Variants in NEGR1 observed in about 807,000 individuals in gnomAD.
NEGR1 encodes neuronal growth regulator 1, also known as IgLON family member 4.
Under a neutral mutation model 40.9 loss-of-function variants are expected in NEGR1, and 10 were observed. The observed-to-expected ratio is 0.24, with a 90% CI of 0.15 to 0.42. The LOEUF is 0.42. Among genes scored for constraint, NEGR1 ranks in the 10% least tolerant of loss-of-function variants. The probability of loss-of-function intolerance (pLI) is 1.00; values close to 1 mark genes in which losing one functional copy is unlikely to be tolerated. For missense variants in NEGR1, 352 were observed against 438.9 expected (o/e 0.80, Z 1.77); for synonymous variants, 185 against 166.8 (o/e 1.11, Z -0.84).
chr1:72,098,598 C>T (rs75749325), intron 1 of NEGR1, among the ~76,000 whole-genome samples: 141 of 152,240 alleles, frequency 9.3e-4, no homozygotes, highest in Middle Eastern at 3.4e-3. Context: ...GCAAGACCTA[C>T]GTTAAAATCA....
At chr1:72,049,471 G>A (rs1391250804) in intron 1 of NEGR1, among the ~76,000 whole-genome samples, 2 of 151,606 alleles carry the variant, frequency 1.3e-5, no homozygotes, top group Non-Finnish European at 3.0e-5. Context: ...GTGGTAGCAT[G>A]GCTTATTGAT....
chr1:71,887,239 A>G (rs1299498547), intron 2 of NEGR1, among the ~76,000 whole-genome samples: 3 of 152,156 alleles, frequency 2.0e-5, no homozygotes, highest in African/African-American at 7.2e-5. Context: ...TAGGCTGAGG[A>G]GGAGGAGGAA....
intron 1 of NEGR1, among the ~76,000 whole-genome samples, chr1:72,275,959 G>C (rs1656036055): frequency 6.6e-6 from 1 of 151,988 alleles, no homozygotes; most frequent in African/African-American, 2.4e-5. Context: ...AGCCAGGTAT[G>C]TTAGCACACA....
At chr1:71,745,978 A>G (rs1655367734) in intron 3 of NEGR1, among the ~76,000 whole-genome samples, 1 of 152,054 alleles carries the variant, frequency 6.6e-6, no homozygotes, top group African/African-American at 2.4e-5. Context: ...GGCCAAGAAC[A>G]CTCTAAACAG....
intron 4 of NEGR1, among the ~76,000 whole-genome samples, chr1:71,651,215 T>C (rs1452020694): frequency 1.3e-5 from 2 of 152,164 alleles, no homozygotes; most frequent in Non-Finnish European, 1.5e-5. Context: ...TATGGGGGAT[T>C]ATGCCTTTGC....
Position 71,398,121 on chromosome 1 carries a change from G to A in NEGR1, c.*9325C>T, listed in dbSNP as rs1452849487. 6.6e-6 allele frequency: 1 copy of A among 152,272 alleles called. No individual in the cohort carries two copies. Among genetic ancestry groups the A allele is most frequent in the Non-Finnish European group, 1.5e-5 (1 of 68,088 alleles). The allele number at this position is 152,272 out of a possible 1,614,324, so 9.4% of individuals were successfully genotyped here. A position where few individuals can be genotyped will look rare whatever the true frequency, so the allele number is the denominator to read the frequency against. On this transcript the variant is annotated 3_prime_UTR_variant, in exon 7 of 7. Transcript: ENST00000357731. ...ATAGAAATGCCTGGATGCCCAGAAT[G>A]AAGTTCTCCTCATGGAGAACCTCTG...
intron 1 of NEGR1, among the ~76,000 whole-genome samples, chr1:72,154,482 A>C (rs1651286669): frequency 6.6e-6 from 1 of 152,006 alleles, no homozygotes; most frequent in Admixed American, 6.6e-5. Flanking sequence ...AAATTTCTAG[A>C]GCAAAAGCAT....
At chr1:71,531,523 A>G (rs769823631) in intron 6 of NEGR1, among the ~76,000 whole-genome samples, 17 of 151,384 alleles carry the variant, frequency 1.1e-4, no homozygotes, top group Non-Finnish European at 2.1e-4. Context: ...TAATCTGTAG[A>G]GGACAAAGGC....
At chr1:71,501,857 AAT>A (rs1288693251) in intron 6 of NEGR1, among the ~76,000 whole-genome samples, 2 of 152,238 alleles carry the variant, frequency 1.3e-5, no homozygotes, top group African/African-American at 4.8e-5. Flanking sequence ...TATTTGTTGA[AAT>A]AAAGCATATT....
chr1:71,730,569 T>TTATATATATATATATATATATATA (rs56382019), intron 3 of NEGR1, among the ~76,000 whole-genome samples: 95 of 134,678 alleles, frequency 7.1e-4, no homozygotes, highest in African/African-American at 2.4e-3. Flanking sequence ...TAGTATAAAT[T>TTATATATATATATATATATATATA]TATATATATA....
At chr1:71,584,693 A>T (rs546197642) in intron 6 of NEGR1, among the ~76,000 whole-genome samples, 64 of 152,304 alleles carry the variant, frequency 4.2e-4, no homozygotes, top group Non-Finnish European at 8.4e-4. Context: ...GTATGCTCCA[A>T]GAAACTTCTC....
intron 6 of NEGR1, among the ~76,000 whole-genome samples, chr1:71,421,666 T>A (rs1005329724): frequency 6.6e-6 from 1 of 152,026 alleles, no homozygotes; most frequent in Admixed American, 6.6e-5. Context: ...ATCATTCTAA[T>A]TGCCAAAAAA....
At chr1:72,119,465 A>G (rs1649715478) in intron 1 of NEGR1, among the ~76,000 whole-genome samples, 1 of 152,004 alleles carries the variant, frequency 6.6e-6, no homozygotes, top group Non-Finnish European at 1.5e-5. Flanking sequence ...TTAGTATTAA[A>G]AAAATGAGGG....
chr1:72,094,194 A>T (rs1336853629), intron 1 of NEGR1, among the ~76,000 whole-genome samples: 1 of 152,166 alleles, frequency 6.6e-6, no homozygotes. Flanking sequence ...CTCACAAATG[A>T]ATTCCTAATT....
intron 1 of NEGR1, among the ~76,000 whole-genome samples, chr1:72,244,805 A>T (rs1027493481): frequency 6.6e-6 from 1 of 152,006 alleles, no homozygotes; most frequent in Non-Finnish European, 1.5e-5. Flanking sequence ...TTGTTCATTA[A>T]CATTGAAAGT....
chr1:71,897,898 G>A (rs1014751620), intron 2 of NEGR1, among the ~76,000 whole-genome samples: 5 of 152,096 alleles, frequency 3.3e-5, no homozygotes, highest in African/African-American at 9.7e-5. Context: ...ACTTAGACAT[G>A]AGATTTTCAT....
intron 2 of NEGR1, among the ~76,000 whole-genome samples, chr1:71,869,905 A>C (rs1048186418): frequency 7.0e-6 from 1 of 143,326 alleles, no homozygotes; most frequent in African/African-American, 2.6e-5. Flanking sequence ...TTTTTGACAG[A>C]GTCTCCCTCT....
At chr1:72,087,162 G>A (rs1338286265) in intron 1 of NEGR1, among the ~76,000 whole-genome samples, 1 of 152,140 alleles carries the variant, frequency 6.6e-6, no homozygotes. Context: ...GCTTACACCT[G>A]TAATCCCAGC....
At chr1:71,563,116 G>A (rs1369538393) in intron 6 of NEGR1, among the ~76,000 whole-genome samples, 1 of 151,982 alleles carries the variant, frequency 6.6e-6, no homozygotes, top group African/African-American at 2.4e-5. Flanking sequence ...AGAATCTCAC[G>A]TGGCATATAT....
Sources: allele counts gnomAD v4.1 joint callset (sites outside exome capture counted in the v4.1 genomes callset), GRCh38; gene constraint gnomAD v4.1.1; transcripts MANE v1.5; gene names NCBI Gene and HGNC (gene_info 2026-07-23, HGNC 2026-07-21).